PDCD7: variants seen among roughly 807,000 people sequenced by gnomAD.
PDCD7 encodes the protein programmed cell death protein 7.
A neutral mutation model predicts 42.1 loss-of-function variants in PDCD7; 40 were observed. The observed-to-expected ratio is 0.95, with a 90% CI of 0.74 to 1.24. The LOEUF (loss-of-function observed/expected upper bound fraction) is 1.24, where lower values mean the gene tolerates loss of function less well. Ranked by LOEUF, PDCD7 falls within the 50% of genes most tolerant of loss-of-function variation. The pLI is 0.00. For missense variants in PDCD7, 644 were observed against 662.8 expected (o/e 0.97, Z 0.31); for synonymous variants, 299 against 303.3 (o/e 0.99, Z 0.15).
chr15:65,122,764 G>A (rs12906521), intron 2 of PDCD7, among the ~76,000 whole-genome samples: 1 of 152,068 alleles, frequency 6.6e-6, no homozygotes, highest in Admixed American at 6.6e-5. Flanking sequence ...AACACTTTGG[G>A]AGGCTGAGAC....
intron 1 of PDCD7, among the ~76,000 whole-genome samples, chr15:65,130,207 G>C (rs1482385627): frequency 3.4e-5 from 5 of 146,222 alleles, no homozygotes; most frequent in African/African-American, 1.3e-4. Flanking sequence ...GTCCAGGCTG[G>C]AGGGCAATGG....
chr15:65,128,799 G>A (rs1333667926), intron 2 of PDCD7, among the ~76,000 whole-genome samples: 1 of 152,216 alleles, frequency 6.6e-6, no homozygotes, highest in Non-Finnish European at 1.5e-5. Context: ...GGGGAAGACA[G>A]TGCAGTGGGT....
chr15:65,125,781 T>G (rs557647056), intron 2 of PDCD7, among the ~76,000 whole-genome samples: 25 of 152,318 alleles, frequency 1.6e-4, no homozygotes, highest in Non-Finnish European at 3.2e-4. Context: ...CCTGTCCAAG[T>G]GTATTAATCT....
At chr15:65,129,875 C>T (rs1484514930) in intron 1 of PDCD7, among the ~76,000 whole-genome samples, 2 of 151,572 alleles carry the variant, frequency 1.3e-5, no homozygotes, top group Non-Finnish European at 2.9e-5. Context: ...CTATGACAAA[C>T]CCGCTGCACT....
intron 3 of PDCD7, 51 bp downstream of exon 3, chr15:65,119,667 G>T: frequency 6.4e-7 from 1 of 1,555,366 alleles, no homozygotes; most frequent in South Asian, 1.2e-5. Context: ...GTGATGAGAA[G>T]AGCGTCAATC....
chr15:65,131,044 A>G (rs763547003), intron 1 of PDCD7, among the ~76,000 whole-genome samples: 1 of 152,164 alleles, frequency 6.6e-6, no homozygotes, highest in Admixed American at 6.5e-5. Flanking sequence ...TAACCAGTCC[A>G]TGGCCTGTTA....
intron 3 of PDCD7, 44 bp from the exon 4 acceptor site, chr15:65,119,507 C>T (rs1180788288): frequency 7.1e-7 from 1 of 1,408,632 alleles, no homozygotes. Flanking sequence ...GCTTGATATC[C>T]ACAGTGTATT....
rs539788311 is a variant in PDCD7 at position 65,129,916 on chromosome 15, T to A, written c.871-746A>T. 7.8e-3 allele frequency among the ~76,000 whole-genome samples: 913 copies of A among 117,162 alleles called. 4 individuals are homozygous for A. The highest frequency in any genetic ancestry group is 0.011 in the Non-Finnish European group (597 of 56,202). 76.9% of individuals were successfully genotyped at this position (117,162 alleles called of 152,430 possible). On this transcript the variant is annotated intron_variant, in intron 1 of 4. Coordinates refer to ENST00000204549, the MANE Select transcript of PDCD7 (RefSeq NM_005707.2). Reference sequence around the variant, plus strand: ...CTGGGCAACAGAGTGAAACTTTGTATTTTTTTTTTTTTTTTTTTTTTTTTT... The same window carrying A: ...CTGGGCAACAGAGTGAAACTTTGTAATTTTTTTTTTTTTTTTTTTTTTTTT...
At chr15:65,123,892 G>A (rs924595523) in intron 2 of PDCD7, among the ~76,000 whole-genome samples, 5 of 152,020 alleles carry the variant, frequency 3.3e-5, no homozygotes, top group African/African-American at 2.4e-5. Flanking sequence ...ATAATCTAAC[G>A]GTTTTGTTTC....
chr15:65,129,393 CCT>C (rs58297249), intron 1 of PDCD7, among the ~76,000 whole-genome samples: 1,851 of 152,328 alleles, frequency 0.012, 38 homozygotes, highest in African/African-American at 0.042. Context: ...GAGAACCTCT[CCT>C]CTCTGTATCT....
intron 1 of PDCD7, 137 bp downstream of exon 1, chr15:65,132,775 G>A (rs1566973608): frequency 3.9e-6 from 5 of 1,294,820 alleles, no homozygotes; most frequent in African/African-American, 3.0e-5. Context: ...GGTGGTATGA[G>A]CTGGGAAGGT....
intron 1 of PDCD7, among the ~76,000 whole-genome samples, chr15:65,131,737 G>A (rs1258955026): frequency 6.6e-6 from 1 of 151,992 alleles, no homozygotes; most frequent in African/African-American, 2.4e-5. Flanking sequence ...CAACAAGAGC[G>A]AAACTCCATC....
Position 65,129,161 on chromosome 15 carries a change from G to GT in PDCD7, c.879dup (p.Leu294ThrfsTer6). On this transcript the variant is annotated frameshift_variant, in exon 2 of 5. Coordinates refer to ENST00000204549, the MANE Select transcript of PDCD7 (RefSeq NM_005707.2). LOFTEE classifies it high-confidence loss of function. Reference sequence around the variant, plus strand: ...AGTACGCCATCAGCGGCTGCTTTGAGTTCCTGCTCCTGGAAGAGAAACAAA... The same window carrying GT: ...AGTACGCCATCAGCGGCTGCTTTGAGTTTCCTGCTCCTGGAAGAGAAACAAA... 1 of 1,613,754 alleles carries GT rather than the reference G, an allele frequency of 6.2e-7. No homozygotes were observed. The highest frequency in any genetic ancestry group is 8.5e-7 in the Non-Finnish European group (1 of 1,179,854).
At position 65,133,206 on chromosome 15, in the gene PDCD7, G is replaced by A. The variant is rs1002854691; in HGVS notation, c.576C>T (p.Ser192=). The stretch of plus-strand genomic sequence containing the variant: ...CGGCTTCGGCCTCGCGCAGGGCCTG[G>A]CTCAGGCCGCGCAGCCGCCGCACCA... ...LRLVRRLRGL[S]QALREAEADG... Residue 192 remains serine (S), a synonymous_variant, in exon 1 of 5, where the codon AGC becomes AGT. Coordinates refer to ENST00000204549, the MANE Select transcript of PDCD7 (RefSeq NM_005707.2). 1 of 1,391,534 alleles carries A rather than the reference G, an allele frequency of 7.2e-7. No individual in the cohort carries two copies. The highest frequency in any genetic ancestry group is 3.0e-5 in the East Asian group (1 of 32,982). The allele number at this position is 1,391,534 out of a possible 1,614,324, so 86.2% of individuals were successfully genotyped here.
chr15:65,125,286 C>G (rs2087486792), intron 2 of PDCD7, among the ~76,000 whole-genome samples: 1 of 151,926 alleles, frequency 6.6e-6, no homozygotes, highest in African/African-American at 2.4e-5. Context: ...TCTCTTTGAC[C>G]CTTCCCCTTC....
chr15:65,133,743 G>T lies in PDCD7; in HGVS notation c.39C>A (p.Gly13=). ...LPPFFGQGRP[G]PPPPQPPPPA... is the part of the protein sequence containing the mutation. ...GAGGCGGCGGCTGCGGGGGCGGTGG[G>T]CCTGGGCGACCCTGGCCGAAGAATG... Residue 13 remains glycine (G), a synonymous_variant, in exon 1 of 5, where the codon GGC becomes GGA. Transcript: ENST00000204549. 1 of 1,322,852 alleles carries T rather than the reference G, an allele frequency of 7.6e-7. No homozygotes were observed. Among genetic ancestry groups the T allele is most frequent in the Non-Finnish European group, 9.7e-7 (1 of 1,033,168 alleles). The allele number at this position is 1,322,852 out of a possible 1,614,324, so 81.9% of individuals were successfully genotyped here. A position where few individuals can be genotyped will look rare whatever the true frequency, so the allele number is the denominator to read the frequency against.
At chr15:65,129,310 T>C (rs972639867) in intron 1 of PDCD7, 140 bp from the exon 2 acceptor site, 2 of 949,878 alleles carry the variant, frequency 2.1e-6, no homozygotes, top group Non-Finnish European at 3.2e-6. Context: ...TCCCAATTTC[T>C]TAGGCCTTGC....
chr15:65,127,844 G>A (rs1174720137), intron 2 of PDCD7, among the ~76,000 whole-genome samples: 2 of 152,208 alleles, frequency 1.3e-5, no homozygotes, highest in Non-Finnish European at 2.9e-5. Flanking sequence ...CATAGAGGAT[G>A]TGAGGTGTGG....
At chr15:65,124,128 A>G (rs1200305915) in intron 2 of PDCD7, among the ~76,000 whole-genome samples, 3 of 152,088 alleles carry the variant, frequency 2.0e-5, no homozygotes, top group African/African-American at 7.2e-5. Context: ...TCCCTCAGAA[A>G]TGGCACTCCT....
Sources: gnomAD v4.1 joint callset for allele counts (sites outside exome capture counted in the v4.1 genomes callset) on GRCh38, gnomAD v4.1.1 for gene constraint, MANE v1.5 for transcripts, NCBI Gene and HGNC (gene_info 2026-07-23, HGNC 2026-07-21) for gene names.